The following ASPRV1 variants were observed in gnomAD, a reference collection of about 807,000 sequenced individuals.
The protein encoded by ASPRV1 is retroviral-like aspartic protease 1.
ASPRV1 carries 7 observed loss-of-function variants against 11.0 expected under a neutral mutation model. That is an observed-to-expected ratio of 0.64 (90% CI 0.36 to 1.20). The LOEUF is 1.20. Among genes scored for constraint, ASPRV1 ranks in the 50% most tolerant of loss-of-function variants. ASPRV1 has a pLI of 0.02. For synonymous variants in ASPRV1, 136 were observed against 138.4 expected, an observed-to-expected ratio of 0.98 and a Z score of 0.12; for missense variants, 299 against 320.0, an observed-to-expected ratio of 0.93 and a Z score of 0.50.
At chr2:69,947,117 G>A in the ASPRV1 span, among the ~76,000 whole-genome samples, 12 of 152,174 alleles carry the variant, frequency 7.9e-5, no homozygotes, top group Non-Finnish European at 1.5e-4. Context: ...TATGACCTCT[G>A]AGCAACTGCA....
chr2:70,082,176 A>G, the ASPRV1 span, among the ~76,000 whole-genome samples: 1 of 151,852 alleles, frequency 6.6e-6, no homozygotes, highest in Non-Finnish European at 1.5e-5. Flanking sequence ...GTAGAGACAC[A>G]GTTTTGCCAT....
the ASPRV1 span, among the ~76,000 whole-genome samples, chr2:69,992,317 A>G: frequency 5.0e-4 from 76 of 152,328 alleles, 1 homozygote; most frequent in South Asian, 8.9e-3. Context: ...GGAAGCAAAC[A>G]AACAACTTTG....
the ASPRV1 span, among the ~76,000 whole-genome samples, chr2:70,017,580 A>G: frequency 6.6e-6 from 1 of 152,236 alleles, no homozygotes; most frequent in Admixed American, 6.5e-5. Context: ...CCAAATCGCA[A>G]AGGAAAAAGT....
chr2:69,945,402 A>G, the ASPRV1 span, among the ~76,000 whole-genome samples: 1 of 152,364 alleles, frequency 6.6e-6, no homozygotes, highest in South Asian at 2.1e-4. Flanking sequence ...AGTATTGTTC[A>G]GGGCTCAGCC....
chr2:70,011,055 G>T, the ASPRV1 span, among the ~76,000 whole-genome samples: 2 of 152,096 alleles, frequency 1.3e-5, no homozygotes, highest in Non-Finnish European at 2.9e-5. Context: ...GGAGCTAAAT[G>T]ATGAGAACTC....
At chr2:69,997,185 A>AT in the ASPRV1 span, among the ~76,000 whole-genome samples, 4 of 101,514 alleles carry the variant, frequency 3.9e-5, no homozygotes, top group Non-Finnish European at 3.4e-5. Context: ...GACCCAGTCT[A>AT]TTAAAAAAAA....
the ASPRV1 span, among the ~76,000 whole-genome samples, chr2:69,946,647 A>C: frequency 6.6e-6 from 1 of 152,228 alleles, no homozygotes; most frequent in Non-Finnish European, 1.5e-5. Flanking sequence ...CACTCAGAGA[A>C]GAAATAAGCT....
At chr2:70,040,504 TG>T in the ASPRV1 span, among the ~76,000 whole-genome samples, 22 of 152,184 alleles carry the variant, frequency 1.4e-4, no homozygotes, top group Admixed American at 9.8e-4. Flanking sequence ...TTCCTAAAGC[TG>T]TTAACAAGTT....
the ASPRV1 span, among the ~76,000 whole-genome samples, chr2:70,020,876 C>A: frequency 1.3e-5 from 2 of 151,988 alleles, no homozygotes; most frequent in Admixed American, 1.3e-4. Flanking sequence ...AGGGAGTTTT[C>A]ATTTCATATG....
At chr2:70,013,499 C>CT in the ASPRV1 span, among the ~76,000 whole-genome samples, 1 of 152,206 alleles carries the variant, frequency 6.6e-6, no homozygotes, top group South Asian at 2.1e-4. Context: ...CAACTATCTT[C>CT]TATTAAGCCA....
the ASPRV1 span, among the ~76,000 whole-genome samples, chr2:69,970,218 G>T: frequency 6.6e-6 from 1 of 151,866 alleles, no homozygotes; most frequent in Non-Finnish European, 1.5e-5. Flanking sequence ...TGGCCTCAGG[G>T]CACCCTGCTG....
At chr2:70,007,941 T>G in the ASPRV1 span, among the ~76,000 whole-genome samples, 5 of 152,120 alleles carry the variant, frequency 3.3e-5, no homozygotes, top group Admixed American at 3.3e-4. Flanking sequence ...GTTCATGCAA[T>G]TCTCGTGCCT....
At chr2:70,033,570 A>G in the ASPRV1 span, among the ~76,000 whole-genome samples, 1 of 151,882 alleles carries the variant, frequency 6.6e-6, no homozygotes, top group African/African-American at 2.4e-5. Context: ...TCCAGGTTCT[A>G]CCCTTTCTAC....
At chr2:70,026,709 A>C in the ASPRV1 span, among the ~76,000 whole-genome samples, 1 of 152,312 alleles carries the variant, frequency 6.6e-6, no homozygotes, top group African/African-American at 2.4e-5. Context: ...AGAGGATACA[A>C]AAAATGAAAA....
At chr2:70,056,833 C>G in the ASPRV1 span, among the ~76,000 whole-genome samples, 1 of 151,584 alleles carries the variant, frequency 6.6e-6, no homozygotes, top group Non-Finnish European at 1.5e-5. Context: ...CTCCTGGGTT[C>G]AAGTGTTTCT....
At chr2:70,056,625 A>AG in the ASPRV1 span, 8 of 145,284 alleles carry the variant, frequency 5.5e-5, 1 homozygote, top group Admixed American at 4.3e-4. Context: ...AAAAAAAAAA[A>AG]GTGGTTAAAA....
chr2:70,018,860 G>A, the ASPRV1 span: 2 of 152,144 alleles, frequency 1.3e-5, no homozygotes, highest in African/African-American at 4.8e-5. Flanking sequence ...ACATTGGTCT[G>A]GGCAAAAATT....
At chr2:70,038,316 A>C in the ASPRV1 span, among the ~76,000 whole-genome samples, 1 of 152,208 alleles carries the variant, frequency 6.6e-6, no homozygotes, top group Non-Finnish European at 1.5e-5. Flanking sequence ...GGAGGCCAAG[A>C]AAGTTGAATT....
the ASPRV1 span, among the ~76,000 whole-genome samples, chr2:69,934,005 C>T: frequency 1.3e-5 from 2 of 152,206 alleles, no homozygotes; most frequent in Non-Finnish European, 2.9e-5. Context: ...TAGAGATGGA[C>T]TCTGTCCTCT....
Sources: allele counts gnomAD v4.1 joint callset (sites outside exome capture counted in the v4.1 genomes callset), GRCh38; gene constraint gnomAD v4.1.1; transcripts MANE v1.5; gene names NCBI Gene and HGNC (gene_info 2026-07-23, HGNC 2026-07-21).